UBOX5: variants seen among roughly 807,000 people sequenced by gnomAD.
UBOX5 encodes U-box domain containing 5.
In UBOX5, 28 loss-of-function variants were observed where a neutral mutation model predicts 39.0. The observed-to-expected ratio is 0.72, with a 90% CI of 0.53 to 0.98. The LOEUF (loss-of-function observed/expected upper bound fraction) is 0.98, where lower values mean the gene tolerates loss of function less well. Among genes scored for constraint, UBOX5 ranks in the 50% least tolerant of loss-of-function variants. The pLI, the probability that UBOX5 is intolerant of heterozygous loss-of-function variation, is 0.00. For missense variants in UBOX5, 585 were observed against 674.4 expected (o/e 0.87, Z 1.47); for synonymous variants, 283 against 275.5 (o/e 1.03, Z -0.27).
At chr20:3,123,443 A>G in intron 1 of UBOX5, 37 bp from the exon 2 acceptor site, 1 of 1,454,836 alleles carries the variant, frequency 6.9e-7, no homozygotes, top group Non-Finnish European at 9.5e-7. Context: ...TAGAAAATGT[A>G]AAATTCAATT....
At chr20:3,112,953 G>C (rs961471013) in intron 4 of UBOX5, among the ~76,000 whole-genome samples, 2 of 151,450 alleles carry the variant, frequency 1.3e-5, no homozygotes, top group African/African-American at 4.9e-5. Context: ...GCGACAGAGC[G>C]AGACTCCATC....
chr20:3,137,507 G>C (rs1330504979), intron 1 of UBOX5, among the ~76,000 whole-genome samples: 1 of 152,122 alleles, frequency 6.6e-6, no homozygotes, highest in Non-Finnish European at 1.5e-5. Flanking sequence ...GACCTCAGGT[G>C]ATCCACCCAC....
Position 3,123,366 on chromosome 20 carries a change from C to A in UBOX5, c.-1G>T. The A allele has an allele frequency of 1.2e-6, 2 of 1,613,938 alleles. No homozygotes were observed. The highest frequency in any genetic ancestry group is 1.7e-6 in the Non-Finnish European group (2 of 1,179,974). On this transcript the variant is annotated 5_prime_UTR_variant, in exon 2 of 5. Transcript: ENST00000217173. ...GTGGGAGGCAAAGATTTATTACCAT[C>A]TTTGTGGCTGAGAGGATATCTTCCA...
At chr20:3,135,699 G>T (rs1254835639) in intron 1 of UBOX5, among the ~76,000 whole-genome samples, 1 of 151,976 alleles carries the variant, frequency 6.6e-6, no homozygotes, top group African/African-American at 2.4e-5. Flanking sequence ...TTTTGTTTCA[G>T]TTACATATAT....
At chr20:3,112,001 A>G (rs1422522198) in intron 4 of UBOX5, among the ~76,000 whole-genome samples, 1 of 152,230 alleles carries the variant, frequency 6.6e-6, no homozygotes, top group Non-Finnish European at 1.5e-5. Flanking sequence ...TAGCCAGGAA[A>G]GAGTGGCCTG....
At chr20:3,127,103 A>G (rs529262919) in intron 1 of UBOX5, among the ~76,000 whole-genome samples, 15 of 151,002 alleles carry the variant, frequency 9.9e-5, no homozygotes, top group Non-Finnish European at 2.1e-4. Context: ...GCCAATTCCA[A>G]TGGCTTCTGG....
At chr20:3,156,068 C>T (rs952281003) in intron 1 of UBOX5, among the ~76,000 whole-genome samples, 11 of 152,060 alleles carry the variant, frequency 7.2e-5, no homozygotes, top group African/African-American at 2.7e-4. Flanking sequence ...ATAGCGAAAA[C>T]ATACCTGAGA....
chr20:3,141,477 C>T (rs947184038), intron 1 of UBOX5, among the ~76,000 whole-genome samples: 2 of 151,352 alleles, frequency 1.3e-5, no homozygotes, highest in Non-Finnish European at 2.9e-5. Context: ...TGGAGAAACC[C>T]CGTCTCTACT....
chr20:3,133,756 T>TGG (rs113241293), intron 1 of UBOX5, among the ~76,000 whole-genome samples: 175 of 147,908 alleles, frequency 1.2e-3, no homozygotes, highest in Middle Eastern at 3.5e-3. Flanking sequence ...TTATTTTTTT[T>TGG]GGGGGGGGGA....
Position 3,127,036 on chromosome 20 carries a change from C to CAA in UBOX5, c.-41-3632_-41-3631dup, listed in dbSNP as rs10579307. On this transcript the variant is annotated intron_variant, in intron 1 of 4. Transcript: ENST00000217173. ...GGGCGACAAGAGCAAAACTCCGTCT[C>CAA]AAAAAAAAAAAAAAAAAAAAAAAAA... Among the ~76,000 whole-genome samples the CAA allele has an allele frequency of 4.4e-4, 29 of 66,154 alleles. 2 individuals carry two copies. Among genetic ancestry groups the CAA allele is most frequent in the Non-Finnish European group, 6.9e-4 (25 of 36,428 alleles). 43.4% of individuals were successfully genotyped at this position (66,154 alleles called of 152,430 possible).
At chr20:3,148,867 G>C (rs199920576) in intron 1 of UBOX5, 4 of 1,614,094 alleles carry the variant, frequency 2.5e-6, no homozygotes, top group Non-Finnish European at 3.4e-6. Context: ...TGGTTGTCAG[G>C]ATTCTCCGAG....
At chr20:3,132,342 A>C (rs1241778632) in intron 1 of UBOX5, among the ~76,000 whole-genome samples, 1 of 152,096 alleles carries the variant, frequency 6.6e-6, no homozygotes, top group South Asian at 2.1e-4. Flanking sequence ...AAACACAAAG[A>C]ATTATACAGC....
At chr20:3,141,735 G>C (rs540143221) in intron 1 of UBOX5, among the ~76,000 whole-genome samples, 3 of 151,872 alleles carry the variant, frequency 2.0e-5, no homozygotes, top group Non-Finnish European at 2.9e-5. Context: ...ATACTCAGCC[G>C]GGAGTGGTGG....
chr20:3,143,058 C>G (rs946848355), intron 1 of UBOX5, among the ~76,000 whole-genome samples: 49 of 139,218 alleles, frequency 3.5e-4, no homozygotes, highest in African/African-American at 1.3e-3. Flanking sequence ...TTAGGGCTAA[C>G]AAATGAATAT....
chr20:3,147,115 C>T, intron 1 of UBOX5: 14 of 1,613,858 alleles, frequency 8.7e-6, no homozygotes, highest in Non-Finnish European at 1.1e-5. Context: ...CCATGGGCTG[C>T]TGCCCAGGCT....
At chr20:3,143,097 C>CTTTTTTTTTT (rs35450698) in intron 1 of UBOX5, among the ~76,000 whole-genome samples, 1 of 72,476 alleles carries the variant, frequency 1.4e-5, no homozygotes, top group African/African-American at 5.4e-5. Context: ...AATCATCTGT[C>CTTTTTTTTTT]TTTTTTTTTT....
At chr20:3,113,931 C>T (rs1484124206) in intron 4 of UBOX5, among the ~76,000 whole-genome samples, 1 of 152,080 alleles carries the variant, frequency 6.6e-6, no homozygotes, top group Non-Finnish European at 1.5e-5. Context: ...GTCAGGAGTT[C>T]AAAACCAGCC....
chr20:3,134,322 T>C (rs1176098032), intron 1 of UBOX5, among the ~76,000 whole-genome samples: 1 of 152,140 alleles, frequency 6.6e-6, no homozygotes, highest in Non-Finnish European at 1.5e-5. Context: ...CTTATGTTGT[T>C]TAAAATTTTT....
intron 1 of UBOX5, among the ~76,000 whole-genome samples, chr20:3,139,029 T>C (rs1301558437): frequency 1.3e-5 from 2 of 152,154 alleles, no homozygotes; most frequent in Non-Finnish European, 2.9e-5. Context: ...GAGAAAAGCA[T>C]TTCACCTCAA....
Sources: allele counts gnomAD v4.1 joint callset (sites outside exome capture counted in the v4.1 genomes callset), GRCh38; gene constraint gnomAD v4.1.1; transcripts MANE v1.5; gene names NCBI Gene and HGNC (gene_info 2026-07-23, HGNC 2026-07-21).